Variants in PPM1B observed in about 807,000 individuals in gnomAD.
The protein encoded by PPM1B is protein phosphatase, Mg2+/Mn2+ dependent 1B.
Under a neutral mutation model 43.0 loss-of-function variants are expected in PPM1B, and 22 were observed. That is an observed-to-expected ratio of 0.51 (90% CI 0.37 to 0.73). The LOEUF is 0.73. Among genes scored for constraint, PPM1B ranks in the 30% least tolerant of loss-of-function variants. The pLI, the probability that PPM1B is intolerant of heterozygous loss-of-function variation, is 0.00. For synonymous variants in PPM1B, 217 were observed against 197.9 expected, an observed-to-expected ratio of 1.10 and a Z score of -0.81; for missense variants, 632 against 584.2, an observed-to-expected ratio of 1.08 and a Z score of -0.84.
chr2:44,181,926 T>C (rs371179421), intron 1 of PPM1B, among the ~76,000 whole-genome samples: 24 of 152,182 alleles, frequency 1.6e-4, no homozygotes, highest in African/African-American at 5.8e-4. Context: ...TTTCAGAGGG[T>C]ACAGAAAAAA....
At chr2:44,224,650 A>G (rs1209913968) in intron 5 of PPM1B, among the ~76,000 whole-genome samples, 1 of 151,792 alleles carries the variant, frequency 6.6e-6, no homozygotes, top group Non-Finnish European at 1.5e-5. Context: ...TATTTTCATC[A>G]TGAGAGATTC....
chr2:44,233,737 C>G (rs1670533841), downstream of PPM1B: 2 of 985,808 alleles, frequency 2.0e-6, no homozygotes, highest in African/African-American at 3.5e-5. Context: ...ATACAGACAG[C>G]TTTCCTGATC....
At chr2:44,231,532 A>G (rs1188421523), downstream of PPM1B, 1 of 784,760 alleles carries the variant, frequency 1.3e-6, no homozygotes, top group Non-Finnish European at 1.5e-6. Context: ...GGTATATTGG[A>G]AGAATACCCA....
chr2:44,184,157 A>G (rs1558393160), intron 1 of PPM1B, among the ~76,000 whole-genome samples: 1 of 152,250 alleles, frequency 6.6e-6, no homozygotes, highest in Non-Finnish European at 1.5e-5. Context: ...GATTATTGTG[A>G]GGATTAAATG....
rs562533444 is a variant in PPM1B, at chr2:44,178,441, A to G, written c.-15+9167A>G. 3.1e-3 allele frequency among the ~76,000 whole-genome samples: 440 copies of G among 142,190 alleles called. 1 individual carries two copies. Among genetic ancestry groups the G allele is most frequent in the Middle Eastern group, 0.015 (4 of 270 alleles). 93.3% of individuals were successfully genotyped at this position (142,190 alleles called of 152,430 possible). The stretch of plus-strand genomic sequence containing the variant: ...TAATTTATACTCCTACCAGTGGTGT[A>G]TTTTATATATGTATATATATATATA... On this transcript the variant is annotated intron_variant, in intron 1 of 5. Coordinates refer to ENST00000282412, the MANE Select transcript of PPM1B (RefSeq NM_002706.6).
In PPM1B at chr2:44,169,279, G is replaced by A. The variant is rs1667196499; in HGVS notation, c.-15+5G>A. The A allele has an allele frequency of 6.6e-6, 1 of 152,586 alleles. No homozygotes were observed. Among genetic ancestry groups the A allele is most frequent in the Non-Finnish European group, 1.5e-5 (1 of 68,160 alleles). 9.5% of individuals were successfully genotyped at this position (152,586 alleles called of 1,614,324 possible). A position where few individuals can be genotyped will look rare whatever the true frequency, so the allele number is the denominator to read the frequency against. ...CTTCTCCCTCCCTTGCCTCAGGTAA[G>A]GCCGCCCGGCACCCCGCCGGAGGGG... is the stretch of plus-strand genomic sequence containing the variant. On this transcript the variant is annotated splice_donor_5th_base_variant and intron_variant, in intron 1 of 5. Coordinates refer to ENST00000282412, the MANE Select transcript of PPM1B (RefSeq NM_002706.6).
At chr2:44,214,092 T>A (rs1269563951) in intron 3 of PPM1B, among the ~76,000 whole-genome samples, 1 of 152,152 alleles carries the variant, frequency 6.6e-6, no homozygotes, top group African/African-American at 2.4e-5. Context: ...GAGTTTTTTG[T>A]TTTTTGAGAC....
rs1668949462 is a variant in PPM1B at position 44,201,756 on chromosome 2, G to C, written c.557G>C (p.Ser186Thr). The change falls in exon 2 of 6, where the codon AGC (serine) becomes ACC (threonine). Residue 186 changes from serine to threonine, a missense_variant. Ser to Thr is a moderately conservative substitution (Grantham distance 58, BLOSUM62 1). Coordinates refer to ENST00000282412, the MANE Select transcript of PPM1B (RefSeq NM_002706.6). This position sits in a 1 kb window ranked among gnomAD's most constrained non-coding sequence, Gnocchi z 5.4. ...EKERIQNAGG[S>T]VMIQRVNGSL... Reference sequence around the variant, plus strand: ...GAGCGAATCCAAAATGCAGGAGGCAGCGTGATGATACAACGTGTTAATGGT... The same window carrying C: ...GAGCGAATCCAAAATGCAGGAGGCACCGTGATGATACAACGTGTTAATGGT... 6.2e-7 allele frequency: 1 copy of C among 1,614,104 alleles called. No homozygotes were observed. The highest frequency in any genetic ancestry group is 1.7e-5 in the Admixed American group (1 of 60,010).
intron 1 of PPM1B, among the ~76,000 whole-genome samples, chr2:44,169,545 C>T (rs1334689564): frequency 6.6e-6 from 1 of 152,232 alleles, no homozygotes; most frequent in East Asian, 1.9e-4. Context: ...GCTGGAACGC[C>T]TGGAAGCTGA....
At chr2:44,230,027 T>G in intron 5 of PPM1B, 1 of 1,588,132 alleles carries the variant, frequency 6.3e-7, no homozygotes, top group Non-Finnish European at 8.6e-7. Context: ...GATGGCCTGC[T>G]TTTCTGTCCT....
chr2:44,209,955 C>G lies in PPM1B; in HGVS notation c.964+628C>G, dbSNP rs544451223. On this transcript the variant is annotated intron_variant, in intron 3 of 5. Coordinates refer to ENST00000282412, the MANE Select transcript of PPM1B (RefSeq NM_002706.6). ...AGAGAAACATAATTTGAAGGTAGTT[C>G]GTTAGAGCTTGCTGGTTTATTTTTT... is the stretch of plus-strand genomic sequence containing the variant. Among the ~76,000 whole-genome samples the G allele has an allele frequency of 3.3e-5, 5 of 152,214 alleles. No individual in the cohort carries two copies. The South Asian group carries it at 8.3e-4, about 25-fold the overall frequency.
chr2:44,178,522 C>A (rs527483289), intron 1 of PPM1B, among the ~76,000 whole-genome samples: 1 of 149,280 alleles, frequency 6.7e-6, no homozygotes, highest in East Asian at 2.0e-4. Flanking sequence ...GGCTGGAGTG[C>A]AATGATGCAA....
At chr2:44,192,399 A>G (rs1668451121) in intron 1 of PPM1B, among the ~76,000 whole-genome samples, 1 of 152,008 alleles carries the variant, frequency 6.6e-6, no homozygotes, top group Non-Finnish European at 1.5e-5. Flanking sequence ...TATTTTCAGT[A>G]GAGATGGGGT....
At chr2:44,244,363 A>T in exon 6 of PPM1B, 1 of 1,356,188 alleles carries the variant, frequency 7.4e-7, no homozygotes, top group Non-Finnish European at 9.9e-7. Flanking sequence ...ACGAAAAATA[A>T]ACCCAGCATT....
chr2:44,239,787 C>T (rs1456451747), intron 5 of PPM1B, among the ~76,000 whole-genome samples: 1 of 152,164 alleles, frequency 6.6e-6, no homozygotes, highest in Non-Finnish European at 1.5e-5. Flanking sequence ...TTCCATCCAG[C>T]TAGCTAATTG....
intron 1 of PPM1B, among the ~76,000 whole-genome samples, chr2:44,190,050 C>G (rs1467161877): frequency 6.6e-6 from 1 of 151,640 alleles, no homozygotes; most frequent in African/African-American, 2.4e-5. Context: ...AAATATTTCA[C>G]AAAAGATTAA....
chr2:44,175,927 AG>A (rs1398105212), intron 1 of PPM1B, among the ~76,000 whole-genome samples: 1 of 151,890 alleles, frequency 6.6e-6, no homozygotes, highest in Non-Finnish European at 1.5e-5. Flanking sequence ...CTGGGATCAC[AG>A]GCATGCACCA....
chr2:44,200,296 T>C (rs1367295103), intron 1 of PPM1B, among the ~76,000 whole-genome samples: 1 of 152,172 alleles, frequency 6.6e-6, no homozygotes, highest in African/African-American at 2.4e-5. Flanking sequence ...GAGAATTCTT[T>C]TGCATACTTT....
At chr2:44,195,036 C>A (rs148335708) in intron 1 of PPM1B, among the ~76,000 whole-genome samples, 1 of 151,428 alleles carries the variant, frequency 6.6e-6, no homozygotes, top group Non-Finnish European at 1.5e-5. Context: ...GGATGACAGG[C>A]GCTTGCCACC....
Sources: allele counts gnomAD v4.1 joint callset (sites outside exome capture counted in the v4.1 genomes callset), GRCh38; gene constraint gnomAD v4.1.1; non-coding constraint Gnocchi (gnomAD v3.1); transcripts MANE v1.5; gene names NCBI Gene and HGNC (gene_info 2026-07-23, HGNC 2026-07-21).